CPT1B: variants seen among roughly 807,000 people sequenced by gnomAD.
The protein encoded by CPT1B is carnitine O-palmitoyltransferase 1, muscle isoform.
Under a neutral mutation model 92.7 loss-of-function variants are expected in CPT1B, and 57 were observed. The observed-to-expected ratio is 0.62, with a 90% confidence interval of 0.50 to 0.77. The LOEUF (loss-of-function observed/expected upper bound fraction) is 0.77. Ranked by LOEUF, CPT1B falls within the 30% of genes least tolerant of loss-of-function variation. The pLI, the probability that CPT1B is intolerant of heterozygous loss-of-function variation, is 0.00. For synonymous variants in CPT1B, 398 were observed against 383.5 expected (o/e 1.04, Z -0.44); for missense variants, 983 against 1,017.4 (o/e 0.97, Z 0.46).
chr22:50,577,471 C>A lies in CPT1B; in HGVS notation c.142-8G>T. On this transcript the variant is annotated splice_region_variant and splice_polypyrimidine_tract_variant and intron_variant, in intron 2 of 19. Coordinates refer to ENST00000312108, the MANE Select transcript of CPT1B (RefSeq NM_152246.3). ...GCCCCTGAGGATGCCATTCTGTGGG[C>A]AGAAACAGGCGCCCTTATGGAGCCG... The A allele has an allele frequency of 6.2e-7, 1 of 1,613,194 alleles. No individual in the cohort carries two copies. Among genetic ancestry groups the A allele is most frequent in the Non-Finnish European group, 8.5e-7 (1 of 1,179,804 alleles).
Position 50,573,196 on chromosome 22 carries a change from A to G in CPT1B, c.1167-136T>C. Reference sequence around the variant, plus strand: ...ATGGGGGGTACCACGCTGGACCTGGAGATGTGGGGGTGCCAGGCTGGGCCT... The same window carrying G: ...ATGGGGGGTACCACGCTGGACCTGGGGATGTGGGGGTGCCAGGCTGGGCCT... On this transcript the variant is annotated intron_variant, in intron 10 of 19. Transcript: ENST00000312108. The surrounding 1 kb of genome is among the most constrained non-coding windows in gnomAD (Gnocchi z 5.0). 1 of 599,166 alleles carries G rather than the reference A, an allele frequency of 1.7e-6. No individual in the cohort carries two copies. The highest frequency in any genetic ancestry group is 2.6e-6 in the Non-Finnish European group (1 of 387,014). The allele number at this position is 599,166 out of a possible 1,614,324, so 37.1% of individuals were successfully genotyped here.
chr22:50,573,440 G>T lies in CPT1B; in HGVS notation c.1166+80C>A. On this transcript the variant is annotated intron_variant, in intron 10 of 19. Transcript: ENST00000312108. The surrounding 1 kb of genome is among the most constrained non-coding windows in gnomAD (Gnocchi z 5.0). The stretch of plus-strand genomic sequence containing the variant: ...TTGTGCCTCCAGCCTCCAGTTCCAG[G>T]GTGGCAGGCAGGGCCACGCTCCTCT... 2 of 1,289,036 alleles carry T rather than the reference G, an allele frequency of 1.6e-6. No homozygotes were observed. Among genetic ancestry groups the T allele is most frequent in the Non-Finnish European group, 2.1e-6 (2 of 934,594 alleles). The allele number at this position is 1,289,036 out of a possible 1,614,324, so 79.8% of individuals were successfully genotyped here.
chr22:50,571,197 G>C lies in CPT1B; in HGVS notation c.1836C>G (p.Ser612=), dbSNP rs1445602265. ...CCATCATGGCCTGCACAAAGGCTGT[G>C]GACTCGCTGGTACAGGAACGCACAG... The part of the protein sequence containing the change: ...TETVRSCTSE[S]TAFVQAMMEG... The change falls in exon 15 of 20, where the codon TCC becomes TCG. Residue 612 remains serine, a synonymous_variant. Transcript: ENST00000312108. 5 of 1,614,008 alleles carry C rather than the reference G, an allele frequency of 3.1e-6. No homozygotes were observed. The African/African-American group carries it at 6.7e-5, about 22-fold the overall frequency.
intron 19 of CPT1B, 45 bp downstream of exon 19, chr22:50,569,291 T>G (rs2070037534): frequency 6.3e-7 from 1 of 1,594,434 alleles, no homozygotes; most frequent in African/African-American, 1.3e-5. Context: ...ACAGGTCCCT[T>G]CCTCCACAGT....
chr22:50,574,233 G>T, intron 9 of CPT1B, 102 bp downstream of exon 9: 1 of 904,220 alleles, frequency 1.1e-6, no homozygotes, highest in Non-Finnish European at 1.8e-6. Context: ...ACTGTTCACA[G>T]TTTCAGGACC....
intron 15 of CPT1B, 52 bp from the exon 16 acceptor site, chr22:50,571,095 C>A: frequency 6.2e-7 from 1 of 1,611,408 alleles, no homozygotes; most frequent in Non-Finnish European, 8.5e-7. Flanking sequence ...TCCAGGCAGA[C>A]AGGAGGCAGA....
intron 7 of CPT1B, among the ~76,000 whole-genome samples, chr22:50,575,722 G>A (rs373106334): frequency 6.6e-6 from 1 of 152,228 alleles, no homozygotes; most frequent in African/African-American, 2.4e-5. Flanking sequence ...ATGGCCAGGA[G>A]GCCAGTGAGG....
chr22:50,573,103 G>A lies in CPT1B; in HGVS notation c.1167-43C>T, dbSNP rs368844695. ...GTAAGCAGTGGGCACGTGGACTTGGGATGAGGGTGCCTCTGAGGGCCTGGC... is the reference window on the plus strand; with the variant it reads ...GTAAGCAGTGGGCACGTGGACTTGGAATGAGGGTGCCTCTGAGGGCCTGGC... On this transcript the variant is annotated intron_variant, in intron 10 of 19. Coordinates refer to ENST00000312108, the MANE Select transcript of CPT1B (RefSeq NM_152246.3). This position sits in a 1 kb window ranked among gnomAD's most constrained non-coding sequence, Gnocchi z 5.0. 72 of 1,540,730 alleles carry A rather than the reference G, an allele frequency of 4.7e-5. No homozygotes were observed. Among genetic ancestry groups the A allele is most frequent in the Non-Finnish European group, 6.2e-5 (70 of 1,130,688 alleles).
chr22:50,576,378 G>GC (rs758370260), intron 5 of CPT1B, 43 bp from the exon 6 acceptor site: 1 of 1,613,180 alleles, frequency 6.2e-7, no homozygotes, highest in Non-Finnish European at 8.5e-7. Flanking sequence ...GATGGCAAGG[G>GC]CTGCCTCTAT....
At position 50,577,133 on chromosome 22, in the gene CPT1B, T is replaced by C; in HGVS notation, c.282-99A>G. On this transcript the variant is annotated intron_variant, in intron 3 of 19. Transcript: ENST00000312108. ...GAGACACCAAGGGGAAGAACCTCCCTGGGCACACTCATGTCTGACTGCATC... is the reference window on the plus strand; with the variant it reads ...GAGACACCAAGGGGAAGAACCTCCCCGGGCACACTCATGTCTGACTGCATC... 6 of 1,445,180 alleles carry C rather than the reference T, an allele frequency of 4.2e-6. No individual in the cohort carries two copies. In the South Asian group the frequency reaches 6.1e-5, roughly 15 times the overall value. 89.5% of individuals were successfully genotyped at this position (1,445,180 alleles called of 1,614,324 possible). A position where few individuals can be genotyped will look rare whatever the true frequency, so the allele number is the denominator to read the frequency against.
rs2070326418 is a variant in CPT1B at position 50,574,241 on chromosome 22, A to G, written c.970+94T>C. ...ATTGACTACTGTTCACAGTTTCAGG[A>G]CCCTGAGACACTGGGGACGCTTGGT... On this transcript the variant is annotated intron_variant, in intron 9 of 19. Coordinates refer to ENST00000312108, the MANE Select transcript of CPT1B (RefSeq NM_152246.3). The G allele has an allele frequency of 5.3e-6, 5 of 944,502 alleles. No individual in the cohort carries two copies. The Admixed American group carries it at 6.0e-5, about 11-fold the overall frequency. 58.5% of individuals were successfully genotyped at this position (944,502 alleles called of 1,614,324 possible).
chr22:50,571,733 A>G, intron 13 of CPT1B, 194 bp from the exon 14 acceptor site: 1 of 668,638 alleles, frequency 1.5e-6, no homozygotes, highest in African/African-American at 1.8e-5. Flanking sequence ...TGTGGGTAAG[A>G]GGGAAGTGCT....
chr22:50,574,722 C>A, intron 7 of CPT1B, 122 bp from the exon 8 acceptor site: 1 of 714,276 alleles, frequency 1.4e-6, no homozygotes, highest in Non-Finnish European at 2.5e-6. Flanking sequence ...CCAGTACATC[C>A]TGCACATGCT....
chr22:50,572,401 C>T lies in CPT1B; in HGVS notation c.1353-93G>A, dbSNP rs1603443305. 4.2e-5 allele frequency: 31 copies of T among 731,304 alleles called. No homozygotes were observed. In the South Asian group the frequency reaches 4.7e-4, roughly 11 times the overall value. The allele number at this position is 731,304 out of a possible 1,614,324, so 45.3% of individuals were successfully genotyped here. On this transcript the variant is annotated intron_variant, in intron 11 of 19. Coordinates refer to ENST00000312108, the MANE Select transcript of CPT1B (RefSeq NM_152246.3). ...CAACCTTTAACCCTAATTACTAACC[C>T]TATTCTCTCTCTCTTTTTCTCTCAC...
chr22:50,577,696 C>G, intron 2 of CPT1B, 79 bp downstream of exon 2: 1 of 1,567,264 alleles, frequency 6.4e-7, no homozygotes. Context: ...GCCAAGGAGG[C>G]AGTGAGGGAC....
chr22:50,577,546 T>G (rs13054901), intron 2 of CPT1B, 83 bp from the exon 3 acceptor site: 2 of 1,554,558 alleles, frequency 1.3e-6, no homozygotes, highest in Non-Finnish European at 1.7e-6. Flanking sequence ...TGGCTCCTGG[T>G]CTTGGCCTGG....
At chr22:50,577,652 G>C (rs1390709657) in intron 2 of CPT1B, 123 bp downstream of exon 2, 1 of 1,469,566 alleles carries the variant, frequency 6.8e-7, no homozygotes, top group East Asian at 2.3e-5. Flanking sequence ...TCTGGTGTCT[G>C]TACTTCCACA....
In CPT1B at chr22:50,570,905, G is replaced by C; in HGVS notation, c.2014C>G (p.Pro672Ala). ...ACGGTGCTGACCTCAGCAAGGAAAG[G>C]AGAGCTGACTCCTAGGTACTTGGAG... The part of the protein sequence containing the change: ...LVSKYLGVSS[P>A]FLAEVLSEPW... The change falls in exon 16 of 20, where the codon CCT becomes GCT. Residue 672 changes from proline to alanine, a missense_variant. Transcript: ENST00000312108. 6.2e-7 allele frequency: 1 copy of C among 1,613,610 alleles called. No individual in the cohort carries two copies. Among genetic ancestry groups the C allele is most frequent in the Non-Finnish European group, 8.5e-7 (1 of 1,179,978 alleles).
chr22:50,570,875 C>T lies in CPT1B; in HGVS notation c.2028+16G>A, dbSNP rs962953036. 1 of 1,611,758 alleles carries T rather than the reference C, an allele frequency of 6.2e-7. No homozygotes were observed. ...AGGGCAGTGGGACAAAGGACACACC[C>T]AACAACGGTGCTGACCTCAGCAAGG... On this transcript the variant is annotated intron_variant, in intron 16 of 19. Coordinates refer to ENST00000312108, the MANE Select transcript of CPT1B (RefSeq NM_152246.3).
Sources: gnomAD v4.1 joint callset for allele counts (sites outside exome capture counted in the v4.1 genomes callset) on GRCh38, gnomAD v4.1.1 for gene constraint, Gnocchi (gnomAD v3.1) non-coding constraint, MANE v1.5 for transcripts, NCBI Gene and HGNC (gene_info 2026-07-23, HGNC 2026-07-21) for gene names.